ILRUN: variants seen among roughly 807,000 people sequenced by gnomAD.
ILRUN encodes inflammation and lipid regulator with UBA-like and NBR1-like domains.
ILRUN carries 3 observed loss-of-function variants against 33.8 expected under a neutral mutation model. The ratio of observed to expected loss-of-function variants is 0.09; its 90% CI spans 0.04 to 0.23. The LOEUF (loss-of-function observed/expected upper bound fraction) is 0.23. Among genes scored for constraint, ILRUN ranks in the 10% least tolerant of loss-of-function variants. The pLI, the probability that ILRUN is intolerant of heterozygous loss-of-function variation, is 1.00. For synonymous variants in ILRUN, 124 were observed against 138.9 expected, an observed-to-expected ratio of 0.89 and a Z score of 0.75; for missense variants, 210 against 375.1, an observed-to-expected ratio of 0.56 and a Z score of 3.64.
At chr6:34,627,126 T>C (rs1762153219) in intron 3 of ILRUN, among the ~76,000 whole-genome samples, 1 of 152,202 alleles carries the variant, frequency 6.6e-6, no homozygotes, top group Non-Finnish European at 1.5e-5. Context: ...CGTAGTTTTA[T>C]CTTTTCCAAA....
chr6:34,677,163 C>T (rs1311830816), intron 1 of ILRUN, among the ~76,000 whole-genome samples: 1 of 151,922 alleles, frequency 6.6e-6, no homozygotes, highest in African/African-American at 2.4e-5. Context: ...AAAAATTAGC[C>T]AGGCATGGTG....
At chr6:34,665,531 C>G (rs1197983855) in intron 1 of ILRUN, among the ~76,000 whole-genome samples, 2 of 152,050 alleles carry the variant, frequency 1.3e-5, no homozygotes, top group African/African-American at 2.4e-5. Flanking sequence ...AGTAATCCTC[C>G]CACCTCAGCC....
At chr6:34,689,645 T>C (rs1281585967) in intron 1 of ILRUN, among the ~76,000 whole-genome samples, 1 of 151,988 alleles carries the variant, frequency 6.6e-6, no homozygotes, top group African/African-American at 2.4e-5. Context: ...AGAAACTCAT[T>C]TAGCACGGGT....
intron 1 of ILRUN, among the ~76,000 whole-genome samples, chr6:34,675,649 A>T (rs1187215119): frequency 6.6e-6 from 1 of 152,208 alleles, no homozygotes; most frequent in Non-Finnish European, 1.5e-5. Context: ...AATTCACCCA[A>T]AAAGTGCCAC....
chr6:34,636,455 T>C (rs1248302943), intron 3 of ILRUN, among the ~76,000 whole-genome samples: 1 of 152,016 alleles, frequency 6.6e-6, no homozygotes, highest in East Asian at 1.9e-4. Flanking sequence ...AACTGAAAAA[T>C]ATCCTTGCCA....
At chr6:34,591,586 G>A (rs1393486442) in intron 4 of ILRUN, among the ~76,000 whole-genome samples, 1 of 149,826 alleles carries the variant, frequency 6.7e-6, no homozygotes, top group East Asian at 2.0e-4. Flanking sequence ...TGCGAGCTCC[G>A]CCTACCAGGT....
intron 2 of ILRUN, among the ~76,000 whole-genome samples, chr6:34,651,234 G>C (rs1308571744): frequency 1.3e-5 from 2 of 152,174 alleles, no homozygotes; most frequent in Non-Finnish European, 2.9e-5. Context: ...CACCTTGAAA[G>C]ATAAAATCTC....
At chr6:34,596,529 T>C (rs1365921237) in intron 4 of ILRUN, among the ~76,000 whole-genome samples, 1 of 152,138 alleles carries the variant, frequency 6.6e-6, no homozygotes, top group Non-Finnish European at 1.5e-5. Context: ...GCCAGGCTGG[T>C]CTAGAACTCC....
chr6:34,682,267 TTTTTTTTTTTG>T (rs1166910672), intron 1 of ILRUN, among the ~76,000 whole-genome samples: 1 of 139,720 alleles, frequency 7.2e-6, no homozygotes, highest in Non-Finnish European at 1.6e-5. Flanking sequence ...TTTTTTTTTT[TTTTTTTTTTTG>T]AGACAGTCTC....
chr6:34,696,635 T>C lies in ILRUN; in HGVS notation c.-32A>G, dbSNP rs766621066. 1 of 1,585,800 alleles carries C rather than the reference T, an allele frequency of 6.3e-7. No homozygotes were observed. The highest frequency in any genetic ancestry group is 8.6e-7 in the Non-Finnish European group (1 of 1,168,988). ...GACCGGACACCCGCTTCCCCGCCTCTTCACAACCAAGCCGCCGCCGCGCCG... is the reference window on the plus strand; with the variant it reads ...GACCGGACACCCGCTTCCCCGCCTCCTCACAACCAAGCCGCCGCCGCGCCG... On this transcript the variant is annotated 5_prime_UTR_variant, in exon 1 of 5. Transcript: ENST00000374023.
intron 3 of ILRUN, among the ~76,000 whole-genome samples, chr6:34,637,818 C>A (rs928025807): frequency 3.3e-5 from 5 of 151,866 alleles, no homozygotes; most frequent in African/African-American, 1.2e-4. Flanking sequence ...CTGAACAGTA[C>A]AGTCATTTCA....
chr6:34,612,399 T>C (rs1309753490), intron 3 of ILRUN, among the ~76,000 whole-genome samples: 2 of 151,528 alleles, frequency 1.3e-5, no homozygotes, highest in Non-Finnish European at 2.9e-5. Flanking sequence ...TGGGCAACAG[T>C]GAGACCCTGT....
intron 1 of ILRUN, among the ~76,000 whole-genome samples, chr6:34,677,775 C>G (rs889421919): frequency 1.3e-5 from 2 of 151,770 alleles, no homozygotes; most frequent in African/African-American, 4.8e-5. Context: ...ATGACAAAAC[C>G]CCCTATGTAC....
intron 1 of ILRUN, among the ~76,000 whole-genome samples, chr6:34,678,385 T>C (rs192964990): frequency 0.062 from 9,428 of 152,064 alleles, 504 homozygotes; most frequent in East Asian, 0.32. Context: ...GTTCAGGGAG[T>C]ACAAACATGT....
At chr6:34,647,889 G>A (rs1012196291) in intron 2 of ILRUN, among the ~76,000 whole-genome samples, 2 of 152,066 alleles carry the variant, frequency 1.3e-5, no homozygotes, top group Non-Finnish European at 1.5e-5. Context: ...AGCATAGATG[G>A]GGTTTCACCA....
rs1762566992 is a variant in ILRUN at position 34,646,514 on chromosome 6, A to C, written c.511+87T>G. 10 of 1,340,658 alleles carry C rather than the reference A, an allele frequency of 7.5e-6. No individual in the cohort carries two copies. Among genetic ancestry groups the C allele is most frequent in the Non-Finnish European group, 1.0e-5 (10 of 961,818 alleles). The allele number at this position is 1,340,658 out of a possible 1,614,324, so 83.0% of individuals were successfully genotyped here. ...AAAAGAGGCCATGCCCTGTTATGCA[A>C]TTTGACAGGCTCTGTGAGCAACACT... On this transcript the variant is annotated intron_variant, in intron 3 of 4. Coordinates refer to ENST00000374023, the MANE Select transcript of ILRUN (RefSeq NM_024294.4). This position sits in a 1 kb window ranked among gnomAD's most constrained non-coding sequence, Gnocchi z 4.9.
intron 1 of ILRUN, among the ~76,000 whole-genome samples, chr6:34,683,176 GTA>G (rs1475390748): frequency 6.6e-6 from 1 of 150,650 alleles, no homozygotes; most frequent in African/African-American, 2.4e-5. Context: ...ATGTGTATTT[GTA>G]TATATGTGTA....
At position 34,646,912 on chromosome 6, in the gene ILRUN, C is replaced by A; in HGVS notation, c.314-114G>T. ...TCTTTTTCTCACATACATACATAAA[C>A]CTAACCACATATACCTAAGCCATAT... On this transcript the variant is annotated intron_variant, in intron 2 of 4. Transcript: ENST00000374023. This position sits in a 1 kb window ranked among gnomAD's most constrained non-coding sequence, Gnocchi z 4.9. 1.1e-6 allele frequency: 1 copy of A among 885,904 alleles called. No homozygotes were observed. Among genetic ancestry groups the A allele is most frequent in the Non-Finnish European group, 1.8e-6 (1 of 560,678 alleles). The allele number at this position is 885,904 out of a possible 1,614,324, so 54.9% of individuals were successfully genotyped here.
At chr6:34,613,046 G>GAA (rs11380323) in intron 3 of ILRUN, among the ~76,000 whole-genome samples, 19 of 141,246 alleles carry the variant, frequency 1.3e-4, no homozygotes, top group South Asian at 2.2e-4. Context: ...CCGTCTCAAG[G>GAA]AAAAAAAAAA....
Sources: allele counts gnomAD v4.1 joint callset (sites outside exome capture counted in the v4.1 genomes callset), GRCh38; gene constraint gnomAD v4.1.1; non-coding constraint Gnocchi (gnomAD v3.1); transcripts MANE v1.5; gene names NCBI Gene and HGNC (gene_info 2026-07-23, HGNC 2026-07-21).